The following PAX1 variants were observed in gnomAD, a reference collection of about 807,000 sequenced individuals.
The protein encoded by PAX1 is paired box 1.
In PAX1, 18 loss-of-function variants were observed where a neutral mutation model predicts 35.6. The ratio of observed to expected loss-of-function variants is 0.50; its 90% CI spans 0.35 to 0.75. The LOEUF is 0.75. PAX1 is among the 30% of genes least tolerant of loss of function. The pLI is 0.01. For synonymous variants in PAX1, 397 were observed against 305.2 expected, an observed-to-expected ratio of 1.30 and a Z score of -3.14; for missense variants, 760 against 661.5, an observed-to-expected ratio of 1.15 and a Z score of -1.63.
In PAX1 at chr20:21,714,481, G is replaced by A. The variant is rs757697560; in HGVS notation, c.1293G>A (p.Arg431=). The A allele has an allele frequency of 1.3e-5, 21 of 1,580,990 alleles. No homozygotes were observed. The South Asian group carries it at 2.0e-4, about 15-fold the overall frequency. The stretch of plus-strand genomic sequence containing the variant: ...TGCTTCCTCCCGCAGTGGCTGACAG[G>A]AAGCCTCCCAGCTCCGGCAGCAAGG... ...FKHPSREVAD[R]KPPSSGSKAP... is the part of the protein sequence containing the mutation. Residue 431 remains arginine, a synonymous_variant, in exon 5 of 5, where the codon AGG becomes AGA. Transcript: ENST00000613128.
chr20:21,712,342 C>T (rs985366194), intron 4 of PAX1, among the ~76,000 whole-genome samples: 3 of 152,046 alleles, frequency 2.0e-5, no homozygotes, highest in Non-Finnish European at 4.4e-5. Context: ...TTTCCCATCC[C>T]CTGAAAGGAA....
chr20:21,711,025 G>T (rs768219072), intron 4 of PAX1, among the ~76,000 whole-genome samples: 1 of 152,176 alleles, frequency 6.6e-6, no homozygotes, highest in African/African-American at 2.4e-5. Flanking sequence ...GCAGATGAGC[G>T]CTTCACTCAT....
chr20:21,713,663 G>A (rs1985270013), intron 4 of PAX1, among the ~76,000 whole-genome samples: 1 of 152,218 alleles, frequency 6.6e-6, no homozygotes, highest in Non-Finnish European at 1.5e-5. Flanking sequence ...AGGAAAAACA[G>A]GCTTGCGCAA....
intron 4 of PAX1, 36 bp downstream of exon 4, chr20:21,709,480 G>A (rs1017400470): frequency 1.8e-5 from 26 of 1,412,478 alleles, no homozygotes; most frequent in Non-Finnish European, 2.3e-5. Flanking sequence ...GTGGATGCTG[G>A]AAGGGTTAGG....
chr20:21,715,130 C>T lies in PAX1; in HGVS notation c.*568C>T. ...TATCAGCCCTTTTTCCTGGTCCATCCCTGTCGTTCCTTCTCTCTCTGTCTC... is the reference window on the plus strand; with the variant it reads ...TATCAGCCCTTTTTCCTGGTCCATCTCTGTCGTTCCTTCTCTCTCTGTCTC... On this transcript the variant is annotated 3_prime_UTR_variant, in exon 5 of 5. Transcript: ENST00000613128. 2.4e-6 allele frequency: 1 copy of T among 424,816 alleles called. No individual in the cohort carries two copies. 26.3% of individuals were successfully genotyped at this position (424,816 alleles called of 1,614,324 possible). A position where few individuals can be genotyped will look rare whatever the true frequency, so the allele number is the denominator to read the frequency against.
intron 4 of PAX1, among the ~76,000 whole-genome samples, chr20:21,714,077 C>G (rs1483922744): frequency 6.6e-6 from 1 of 152,236 alleles, no homozygotes; most frequent in East Asian, 1.9e-4. Flanking sequence ...GTCCGCGCAA[C>G]GTTAGAGTCC....
At position 21,709,368 on chromosome 20, in the gene PAX1, G is replaced by A. The variant is rs781430209; in HGVS notation, c.1206G>A (p.Ala402=). 1 of 1,571,362 alleles carries A rather than the reference G, an allele frequency of 6.4e-7. No individual in the cohort carries two copies. The highest frequency in any genetic ancestry group is 8.6e-7 in the Non-Finnish European group (1 of 1,162,490). ...PWPPAQGPPL[A]PPGAGVAVHG... ...CGCCTGCGCAAGGTCCTCCTCTGGC[G>A]CCCCCCGGGGCCGGCGTAGCTGTGC... is the stretch of plus-strand genomic sequence containing the variant. The change falls in exon 4 of 5, where the codon GCG becomes GCA. Residue 402 remains alanine (A), a synonymous_variant. Transcript: ENST00000613128.
At position 21,709,350 on chromosome 20, in the gene PAX1, G is replaced by A; in HGVS notation, c.1188G>A (p.Ala396=). 6.3e-7 allele frequency: 1 copy of A among 1,597,304 alleles called. No homozygotes were observed. Among genetic ancestry groups the A allele is most frequent in the Non-Finnish European group, 8.5e-7 (1 of 1,176,030 alleles). The change falls in exon 4 of 5, where the codon GCG becomes GCA. Residue 396 remains alanine, a synonymous_variant. Coordinates refer to ENST00000613128, the MANE Select transcript of PAX1 (RefSeq NM_001257096.2). ...CCCCGGGCCCGCCGTGGCCGCCTGCGCAAGGTCCTCCTCTGGCGCCCCCCG... is the reference window on the plus strand; with the variant it reads ...CCCCGGGCCCGCCGTGGCCGCCTGCACAAGGTCCTCCTCTGGCGCCCCCCG... ...YLAPGPPWPP[A]QGPPLAPPGA...
chr20:21,706,420 T>C lies in PAX1; in HGVS notation c.287-18T>C, dbSNP rs1456634439. On this transcript the variant is annotated intron_variant, in intron 1 of 4. Coordinates refer to ENST00000613128, the MANE Select transcript of PAX1 (RefSeq NM_001257096.2). The surrounding 1 kb of genome is among the most constrained non-coding windows in gnomAD (Gnocchi z 5.3). Reference sequence around the variant, plus strand: ...GTTTTCTCCCCCTCCGGCTCACTCTTGTCTGGCGCATCCGCAGAGCAGACG... The same window carrying C: ...GTTTTCTCCCCCTCCGGCTCACTCTCGTCTGGCGCATCCGCAGAGCAGACG... 5 of 1,610,998 alleles carry C rather than the reference T, an allele frequency of 3.1e-6. No homozygotes were observed. In the East Asian group the frequency reaches 8.9e-5, roughly 29 times the overall value.
chr20:21,705,769 A>T lies in PAX1; in HGVS notation c.57A>T (p.Ala19=). ...CGTGGAGAGTGTCCTGGGAGGGGGC[A>T]GCAGCGGCGGCGGCAGGCCCTGGAG... ...SRAWRVSWEG[A]AAAAAGPGAG... The change falls in exon 1 of 5, where the codon GCA becomes GCT. Residue 19 remains alanine, a synonymous_variant. Coordinates refer to ENST00000613128, the MANE Select transcript of PAX1 (RefSeq NM_001257096.2). 7.9e-7 allele frequency: 1 copy of T among 1,263,068 alleles called. No homozygotes were observed. The highest frequency in any genetic ancestry group is 1.0e-6 in the Non-Finnish European group (1 of 1,003,460). 78.2% of individuals were successfully genotyped at this position (1,263,068 alleles called of 1,614,324 possible).
chr20:21,711,190 T>C (rs1379877866), intron 4 of PAX1, among the ~76,000 whole-genome samples: 1 of 152,240 alleles, frequency 6.6e-6, no homozygotes, highest in Non-Finnish European at 1.5e-5. Flanking sequence ...TTTCACTGGG[T>C]TCATCTTAAG....
In PAX1 at chr20:21,706,403, C is replaced by T. The variant is rs944754677; in HGVS notation, c.287-35C>T. 3.1e-6 allele frequency: 5 copies of T among 1,609,122 alleles called. 1 individual carries two copies. The highest frequency in any genetic ancestry group is 3.3e-4 in the Middle Eastern group (2 of 6,060). On this transcript the variant is annotated intron_variant, in intron 1 of 4. Coordinates refer to ENST00000613128, the MANE Select transcript of PAX1 (RefSeq NM_001257096.2). The surrounding 1 kb of genome is among the most constrained non-coding windows in gnomAD (Gnocchi z 5.3). ...TGGCTAACCCGCCGGGTGTTTTCTC[C>T]CCCTCCGGCTCACTCTTGTCTGGCG...
rs1984985834 is a variant in PAX1 at position 21,706,164 on chromosome 20, TG to T, written c.286+169del. On this transcript the variant is annotated intron_variant, in intron 1 of 4. Transcript: ENST00000613128. The surrounding 1 kb of genome is among the most constrained non-coding windows in gnomAD (Gnocchi z 5.3). ...CCTTCAGGGGGCAGTTGAGCAAGTC[TG>T]GGAAGGGAGTGTTCCAAGTAGACGC... 14 of 783,726 alleles carry T rather than the reference TG, an allele frequency of 1.8e-5. No homozygotes were observed. The highest frequency in any genetic ancestry group is 2.8e-5 in the Non-Finnish European group (13 of 462,036). 48.5% of individuals were successfully genotyped at this position (783,726 alleles called of 1,614,324 possible).
chr20:21,710,430 G>T (rs931985272), intron 4 of PAX1, among the ~76,000 whole-genome samples: 3 of 152,270 alleles, frequency 2.0e-5, no homozygotes, highest in Admixed American at 6.5e-5. Flanking sequence ...GAAAGGAAAG[G>T]GTCACCCCAG....
At chr20:21,713,422 G>T (rs1411311580) in intron 4 of PAX1, among the ~76,000 whole-genome samples, 1 of 150,966 alleles carries the variant, frequency 6.6e-6, no homozygotes, top group Non-Finnish European at 1.5e-5. Context: ...CTTGCACAGA[G>T]GTGGTTGGCC....
chr20:21,712,503 A>G (rs1985228588), intron 4 of PAX1, among the ~76,000 whole-genome samples: 2 of 152,152 alleles, frequency 1.3e-5, no homozygotes, highest in Admixed American at 1.3e-4. Context: ...TAGGTGACAG[A>G]CACCACCAGA....
chr20:21,716,437 T>C lies in PAX1; in HGVS notation c.*1875T>C, dbSNP rs1445209842. Reference sequence around the variant, plus strand: ...TCTTTTTGATAGTATCTGTTGAAGGTATCAATTATAAAAAAGTACTTACTT... The same window carrying C: ...TCTTTTTGATAGTATCTGTTGAAGGCATCAATTATAAAAAAGTACTTACTT... On this transcript the variant is annotated 3_prime_UTR_variant, in exon 5 of 5. Coordinates refer to ENST00000613128, the MANE Select transcript of PAX1 (RefSeq NM_001257096.2). The C allele has an allele frequency of 6.6e-6, 1 of 152,004 alleles. No homozygotes were observed. Among genetic ancestry groups the C allele is most frequent in the Non-Finnish European group, 1.5e-5 (1 of 68,002 alleles). The allele number at this position is 152,004 out of a possible 1,614,324, so 9.4% of individuals were successfully genotyped here.
intron 2 of PAX1, 56 bp from the exon 3 acceptor site, chr20:21,708,502 C>T: frequency 6.2e-7 from 1 of 1,605,948 alleles, no homozygotes; most frequent in Non-Finnish European, 8.5e-7. Flanking sequence ...GTTGGCCACA[C>T]GTGTGCCCAG....
intron 4 of PAX1, 115 bp from the exon 5 acceptor site, chr20:21,714,356 A>C (rs1985293528): frequency 1.4e-6 from 1 of 721,860 alleles, no homozygotes; most frequent in South Asian, 1.9e-5. Context: ...ACTCTTCCAG[A>C]GCCTTCAAGG....
Sources: allele counts gnomAD v4.1 joint callset (sites outside exome capture counted in the v4.1 genomes callset), GRCh38; gene constraint gnomAD v4.1.1; non-coding constraint Gnocchi (gnomAD v3.1); transcripts MANE v1.5; gene names NCBI Gene and HGNC (gene_info 2026-07-23, HGNC 2026-07-21).